Variants in PDGFRA observed in about 807,000 individuals in gnomAD.
PDGFRA encodes platelet-derived growth factor receptor alpha.
In PDGFRA, 25 loss-of-function variants were observed where a neutral mutation model predicts 121.5. The observed-to-expected ratio is 0.21, with a 90% CI of 0.15 to 0.29. The LOEUF is 0.29. PDGFRA is among the 10% of genes least tolerant of loss of function. The probability of loss-of-function intolerance (pLI) is 1.00; values close to 1 mark genes in which losing one functional copy is unlikely to be tolerated. For missense variants in PDGFRA, 1,008 were observed against 1,345.1 expected, an observed-to-expected ratio of 0.75 and a Z score of 3.92; for synonymous variants, 463 against 494.8, an observed-to-expected ratio of 0.94 and a Z score of 0.85.
At chr4:54,238,389 C>G (rs1721124011) in intron 1 of PDGFRA, among the ~76,000 whole-genome samples, 1 of 152,200 alleles carries the variant, frequency 6.6e-6, no homozygotes, top group Admixed American at 6.5e-5. Flanking sequence ...CTCTCTCACT[C>G]TTTCTTTTTT....
intron 11 of PDGFRA, 33 bp from the exon 12 acceptor site, chr4:54,274,808 A>C (rs1419522909): frequency 1.9e-6 from 3 of 1,613,556 alleles, no homozygotes; most frequent in Non-Finnish European, 2.5e-6. Flanking sequence ...GGACTTTGGT[A>C]ATTCACCAGT....
intron 13 of PDGFRA, among the ~76,000 whole-genome samples, 169 bp downstream of exon 13, chr4:54,277,661 C>T (rs568083472): frequency 6.6e-6 from 1 of 152,272 alleles, no homozygotes; most frequent in Admixed American, 6.5e-5. Context: ...ATTTAGATTG[C>T]TCTTGCTGCC....
At chr4:54,249,653 G>T (rs1231733894) in intron 1 of PDGFRA, among the ~76,000 whole-genome samples, 7 of 152,166 alleles carry the variant, frequency 4.6e-5, no homozygotes, top group Non-Finnish European at 8.8e-5. Context: ...GGGTAGTGGG[G>T]AGGGATACCT....
chr4:54,271,850 C>T (rs1326596184), intron 8 of PDGFRA, among the ~76,000 whole-genome samples: 1 of 142,178 alleles, frequency 7.0e-6, no homozygotes, highest in African/African-American at 2.6e-5. Flanking sequence ...CTCCCTCCCT[C>T]CCTCCCTTGT....
chr4:54,239,970 C>A, intron 1 of PDGFRA: 2 of 280,188 alleles, frequency 7.1e-6, no homozygotes, highest in Middle Eastern at 1.4e-3. Context: ...TCCACCTCAG[C>A]CTCCTGAGTA....
rs2110344875 is a variant in PDGFRA at position 54,288,867 on chromosome 4, A to T, written c.2743A>T (p.Met915Leu). Residue 915 changes from methionine (M) to leucine (L), a missense_variant, in exon 20 of 23, where the codon ATG becomes TTG. By Grantham distance (15) the Met-to-Leu change is conservative (BLOSUM62 2). This residue lies in a region of PDGFRA where 204 missense variants were observed against 243.0 expected (regional missense o/e 0.84). Transcript: ENST00000257290. ...FYNKIKSGYR[M>L]AKPDHATSEV... ...CAATAAGATCAAGAGTGGGTACCGG[A>T]TGGCCAAGCCTGACCACGCTACCAG... The T allele has an allele frequency of 6.2e-7, 1 of 1,612,930 alleles. No homozygotes were observed. The highest frequency in any genetic ancestry group is 8.5e-7 in the Non-Finnish European group (1 of 1,178,916).
At chr4:54,263,527 TG>T in intron 3 of PDGFRA, 139 bp from the exon 4 acceptor site, 1 of 821,110 alleles carries the variant, frequency 1.2e-6, no homozygotes, top group Non-Finnish European at 2.1e-6. Context: ...CTAATGCCAG[TG>T]GGGCAATTCT....
rs1723626129 is a variant in PDGFRA, at chr4:54,274,822, C to T, written c.1654-19C>T. ...GGGACTTTGGTAATTCACCAGTTAC[C>T]TGTCCTGGTCATTTATAGAAACCGA... On this transcript the variant is annotated intron_variant, in intron 11 of 22. Transcript: ENST00000257290. 4.3e-6 allele frequency: 7 copies of T among 1,613,682 alleles called. No homozygotes were observed. The highest frequency in any genetic ancestry group is 5.9e-6 in the Non-Finnish European group (7 of 1,179,604).
chr4:54,276,048 C>T lies in PDGFRA; in HGVS notation c.1786+1075C>T, dbSNP rs572992020. Among the ~76,000 whole-genome samples the T allele has an allele frequency of 4.6e-5, 7 of 152,244 alleles. No individual in the cohort carries two copies. The South Asian group carries it at 1.5e-3, about 32-fold the overall frequency. On this transcript the variant is annotated intron_variant, in intron 12 of 22. Coordinates refer to ENST00000257290, the MANE Select transcript of PDGFRA (RefSeq NM_006206.6). ...ACTGTTGTAAAACCTGAGGTCAGTG[C>T]TTGAGATATTTTGGAGACCCTGTAT...
intron 1 of PDGFRA, among the ~76,000 whole-genome samples, chr4:54,232,709 C>T (rs572652396): frequency 6.6e-6 from 1 of 152,310 alleles, no homozygotes; most frequent in South Asian, 2.1e-4. Flanking sequence ...CTCAGCCTCC[C>T]GAGTAACTGG....
rs762963804 is a variant in PDGFRA, at chr4:54,267,539, C to A, written c.932-13C>A. 25 of 1,614,052 alleles carry A rather than the reference C, an allele frequency of 1.5e-5. No individual in the cohort carries two copies. The Admixed American group carries it at 3.8e-4, about 25-fold the overall frequency. On this transcript the variant is annotated splice_polypyrimidine_tract_variant and intron_variant, in intron 6 of 22. Transcript: ENST00000257290. ...TGGTAATCATTATTTAATGGAAACTCTTCCCTGTACAGAGAAAGGTTTCAT... is the reference window on the plus strand; with the variant it reads ...TGGTAATCATTATTTAATGGAAACTATTCCCTGTACAGAGAAAGGTTTCAT...
chr4:54,276,332 C>T (rs75476973), intron 12 of PDGFRA, among the ~76,000 whole-genome samples: 2 of 146,334 alleles, frequency 1.4e-5, no homozygotes, highest in Admixed American at 6.6e-5. Context: ...GACACTGATT[C>T]GAGTAATAGT....
rs747956260 is a variant in PDGFRA at position 54,267,349 on chromosome 4, A to T, written c.820A>T (p.Thr274Ser). The change falls in exon 6 of 23, where the codon ACT becomes TCT. Residue 274 changes from threonine (T) to serine (S), a missense_variant. Around this residue, in one of 5 missense-constraint regions of PDGFRA, gnomAD observed 575 missense variants for 701.8 expected, o/e 0.82. Transcript: ENST00000257290. ...AGTCCCATCCATCAAATTGGTGTAC[A>T]CTTTGACGGTCCCCGAGGCCACGGT... The part of the protein sequence containing the change: ...IKVPSIKLVY[T>S]LTVPEATVKD... 88 of 1,614,062 alleles carry T rather than the reference A, an allele frequency of 5.5e-5. No individual in the cohort carries two copies. Among genetic ancestry groups the T allele is most frequent in the Middle Eastern group, 3.3e-4 (2 of 6,080 alleles).
chr4:54,266,435 G>A (rs1723031858), intron 5 of PDGFRA, among the ~76,000 whole-genome samples: 4 of 133,998 alleles, frequency 3.0e-5, no homozygotes, highest in South Asian at 4.7e-4. Context: ...TTGTGGAGAT[G>A]AGGATCTCAC....
chr4:54,230,095 G>T lies in PDGFRA; in HGVS notation c.-13+680G>T, dbSNP rs547642282. Reference sequence around the variant, plus strand: ...ATGCGCGTGATTACTGGACGGCGCTGCTCTGGGAGAGAGTCGGGGCCAGAT... The same window carrying T: ...ATGCGCGTGATTACTGGACGGCGCTTCTCTGGGAGAGAGTCGGGGCCAGAT... On this transcript the variant is annotated intron_variant, in intron 1 of 22. Coordinates refer to ENST00000257290, the MANE Select transcript of PDGFRA (RefSeq NM_006206.6). Among the ~76,000 whole-genome samples the T allele has an allele frequency of 5.3e-5, 8 of 152,246 alleles. No homozygotes were observed. The East Asian group carries it at 1.6e-3, about 30-fold the overall frequency.
At position 54,295,935 on chromosome 4, in the gene PDGFRA, T is replaced by C; in HGVS notation, c.*663T>C. ...ATATTGTAATCTATGTTTATAATACTACTACTGTTATCAGTAATGCTAAAT... is the reference window on the plus strand; with the variant it reads ...ATATTGTAATCTATGTTTATAATACCACTACTGTTATCAGTAATGCTAAAT... On this transcript the variant is annotated 3_prime_UTR_variant, in exon 23 of 23. Coordinates refer to ENST00000257290, the MANE Select transcript of PDGFRA (RefSeq NM_006206.6). 4.3e-6 allele frequency: 1 copy of C among 233,632 alleles called. No individual in the cohort carries two copies. Among genetic ancestry groups the C allele is most frequent in the East Asian group, 6.1e-5 (1 of 16,374 alleles). 14.5% of individuals were successfully genotyped at this position (233,632 alleles called of 1,614,324 possible).
At position 54,297,200 on chromosome 4, in the gene PDGFRA, G is replaced by C. The variant is rs748063948; in HGVS notation, c.*1928G>C. 3.4e-4 allele frequency: 79 copies of C among 233,478 alleles called. No homozygotes were observed. The highest frequency in any genetic ancestry group is 5.4e-4 in the Non-Finnish European group (64 of 118,046). 14.5% of individuals were successfully genotyped at this position (233,478 alleles called of 1,614,324 possible). A position where few individuals can be genotyped will look rare whatever the true frequency, so the allele number is the denominator to read the frequency against. ...TGGTGTGGGTTCATTGGCATTCTTT[G>C]CAATACTGCTTAATTGCTGATACCA... On this transcript the variant is annotated 3_prime_UTR_variant, in exon 23 of 23. Coordinates refer to ENST00000257290, the MANE Select transcript of PDGFRA (RefSeq NM_006206.6).
rs907904289 is a variant in PDGFRA, at chr4:54,280,760, T to TA, written c.2323+286dup. On this transcript the variant is annotated intron_variant, in intron 16 of 22. Coordinates refer to ENST00000257290, the MANE Select transcript of PDGFRA (RefSeq NM_006206.6). Reference sequence around the variant, plus strand: ...GTGTGTTCCTGCAGTAAACATTTTTTAAAAAAAATAATTATTTATTCTGAT... The same window carrying TA: ...GTGTGTTCCTGCAGTAAACATTTTTTAAAAAAAAATAATTATTTATTCTGAT... The TA allele has an allele frequency of 5.9e-4, 124 of 208,796 alleles. 1 individual carries two copies. The highest frequency in any genetic ancestry group is 2.7e-3 in the African/African-American group (116 of 43,474). The allele number at this position is 208,796 out of a possible 1,614,324, so 12.9% of individuals were successfully genotyped here.
At position 54,272,411 on chromosome 4, in the gene PDGFRA, G is replaced by T. The variant is rs749421720; in HGVS notation, c.1255G>T (p.Asp419Tyr). The T allele has an allele frequency of 3.1e-6, 5 of 1,613,928 alleles. 1 individual carries two copies. In the South Asian group the frequency reaches 5.5e-5, roughly 18 times the overall value. Residue 419 changes from aspartate to tyrosine, a missense_variant, in exon 9 of 23, where the codon GAC becomes TAC. Transcript: ENST00000257290. ...LLTQVPSSIL[D>Y]LVDDHHGSTG... Reference sequence around the variant, plus strand: ...TCTTGCAGTTCCTTCATCCATTCTGGACTTGGTCGATGATCACCATGGCTC... The same window carrying T: ...TCTTGCAGTTCCTTCATCCATTCTGTACTTGGTCGATGATCACCATGGCTC...
Sources: gnomAD v4.1 joint callset for allele counts (sites outside exome capture counted in the v4.1 genomes callset) on GRCh38, gnomAD v4.1.1 for gene constraint, gnomAD v4.1.1 regional missense constraint, MANE v1.5 for transcripts, NCBI Gene and HGNC (gene_info 2026-07-23, HGNC 2026-07-21) for gene names.